Variants in MED13L observed in about 807,000 individuals in gnomAD.
MED13L encodes the protein mediator of RNA polymerase II transcription subunit 13-like.
MED13L carries 7 observed loss-of-function variants against 220.9 expected under a neutral mutation model. The observed-to-expected ratio is 0.03, with a 90% confidence interval of 0.02 to 0.06. The LOEUF (loss-of-function observed/expected upper bound fraction) is 0.06, where lower values mean the gene tolerates loss of function less well. Among genes scored for constraint, MED13L ranks in the 10% least tolerant of loss-of-function variants. MED13L has a pLI of 1.00. For missense variants in MED13L, 1,965 were observed against 2,760.5 expected, an observed-to-expected ratio of 0.71 and a Z score of 6.46; for synonymous variants, 1,011 against 1,015.2, an observed-to-expected ratio of 1.00 and a Z score of 0.08.
intron 2 of MED13L, among the ~76,000 whole-genome samples, chr12:116,221,925 C>T (rs999483393): frequency 6.6e-6 from 1 of 152,090 alleles, no homozygotes; most frequent in African/African-American, 2.4e-5. Flanking sequence ...CATTCTTGCA[C>T]AGCCAAAGAC....
chr12:115,973,818 T>C (rs777263144), intron 25 of MED13L, among the ~76,000 whole-genome samples: 3 of 152,198 alleles, frequency 2.0e-5, no homozygotes, highest in Non-Finnish European at 4.4e-5. Context: ...TAGTCTACAG[T>C]ACAACTTATT....
chr12:115,999,166 A>G (rs561492921), intron 14 of MED13L, among the ~76,000 whole-genome samples: 1 of 152,324 alleles, frequency 6.6e-6, no homozygotes, highest in South Asian at 2.1e-4. Context: ...TAATCCCAGT[A>G]CTTTAGGAGG....
At chr12:116,113,039 C>T (rs1874212810) in intron 2 of MED13L, among the ~76,000 whole-genome samples, 1 of 152,218 alleles carries the variant, frequency 6.6e-6, no homozygotes, top group African/African-American at 2.4e-5. Context: ...CTCCTTTAAA[C>T]TTATTGAGTC....
In MED13L at chr12:115,972,170, C is replaced by T. The variant is rs778173015; in HGVS notation, c.5798G>A (p.Arg1933Gln). The change falls in exon 26 of 31, where the codon CGG becomes CAG. Residue 1933 changes from arginine to glutamine, a missense_variant. By Grantham distance (43) the Arg-to-Gln change is conservative. Around this residue, in one of 10 missense-constraint regions of MED13L, gnomAD observed 23 missense variants for 20.4 expected, o/e 1.12. Coordinates refer to ENST00000281928, the MANE Select transcript of MED13L (RefSeq NM_015335.5). Reference sequence around the variant, plus strand: ...GTCTGCGGCAGAGATTCCACACATCCGGCACACATCCTTGAGCTTTTTGCT... The same window carrying T: ...GTCTGCGGCAGAGATTCCACACATCTGGCACACATCCTTGAGCTTTTTGCT... ...TISKKLKDVC[R>Q]MCGISAADSP... 48 of 1,613,874 alleles carry T rather than the reference C, an allele frequency of 3.0e-5. 1 individual carries two copies. In the South Asian group the frequency reaches 4.2e-4, roughly 14 times the overall value.
intron 4 of MED13L, among the ~76,000 whole-genome samples, chr12:116,057,327 A>G (rs1420311375): frequency 1.3e-5 from 2 of 152,198 alleles, no homozygotes; most frequent in African/African-American, 4.8e-5. Context: ...CAAAAAGATC[A>G]GCAGTAAGCC....
intron 2 of MED13L, among the ~76,000 whole-genome samples, chr12:116,169,958 G>A (rs564575517): frequency 2.8e-4 from 43 of 152,266 alleles, no homozygotes; most frequent in Non-Finnish European, 4.3e-4. Flanking sequence ...TCAAAGCTGC[G>A]GTGGGCTACG....
chr12:116,183,478 T>A (rs1880664994), intron 2 of MED13L, among the ~76,000 whole-genome samples: 2 of 152,190 alleles, frequency 1.3e-5, no homozygotes, highest in Non-Finnish European at 1.5e-5. Context: ...TTACCAAGAA[T>A]GACATCTGGT....
intron 29 of MED13L, among the ~76,000 whole-genome samples, chr12:115,965,523 G>A (rs1876092912): frequency 6.6e-6 from 1 of 152,212 alleles, no homozygotes; most frequent in South Asian, 2.1e-4. Flanking sequence ...CTGTGGGCAA[G>A]AGATGGATTT....
intron 2 of MED13L, among the ~76,000 whole-genome samples, chr12:116,201,928 T>G (rs186832447): frequency 1.7e-4 from 26 of 152,356 alleles, no homozygotes; most frequent in African/African-American, 5.8e-4. Context: ...AGTCTTTTTA[T>G]GGCATTAAAG....
At chr12:116,137,498 T>C (rs1368028651) in intron 2 of MED13L, among the ~76,000 whole-genome samples, 1 of 151,990 alleles carries the variant, frequency 6.6e-6, no homozygotes, top group Non-Finnish European at 1.5e-5. Context: ...TTAAACAAAG[T>C]ATGGGCCTTT....
intron 2 of MED13L, among the ~76,000 whole-genome samples, chr12:116,205,554 A>G (rs1882262566): frequency 2.0e-5 from 3 of 150,194 alleles, no homozygotes; most frequent in Non-Finnish European, 3.0e-5. Flanking sequence ...AAAAAAGGAA[A>G]GTCTTTTAAA....
intron 1 of MED13L, among the ~76,000 whole-genome samples, chr12:116,275,785 G>A (rs1873767889): frequency 6.6e-6 from 1 of 152,160 alleles, no homozygotes. Flanking sequence ...CAAGTTGGGT[G>A]TTTTTAAGGC....
intron 4 of MED13L, among the ~76,000 whole-genome samples, chr12:116,046,341 C>T (rs1592983305): frequency 6.6e-6 from 1 of 151,306 alleles, no homozygotes; most frequent in Admixed American, 6.6e-5. Flanking sequence ...AAAAAAATCA[C>T]AAAAGAAAAA....
chr12:116,257,864 G>A (rs1001416719), intron 1 of MED13L, among the ~76,000 whole-genome samples: 4 of 151,830 alleles, frequency 2.6e-5, no homozygotes, highest in African/African-American at 9.7e-5. Flanking sequence ...TTTTCCAAAT[G>A]ATTCCTCAAT....
At chr12:115,980,512 T>C (rs1045613312) in intron 23 of MED13L, 1 of 557,324 alleles carries the variant, frequency 1.8e-6, no homozygotes, top group Non-Finnish European at 3.2e-6. Context: ...TTTGTAGAGA[T>C]GGGGTCTTGC....
intron 1 of MED13L, among the ~76,000 whole-genome samples, chr12:116,238,161 G>A (rs1351859602): frequency 6.6e-6 from 1 of 152,058 alleles, no homozygotes; most frequent in Non-Finnish European, 1.5e-5. Context: ...TTTTTAATTA[G>A]GGAAGCAGTT....
intron 4 of MED13L, among the ~76,000 whole-genome samples, chr12:116,045,037 C>T (rs777264288): frequency 4.6e-5 from 7 of 152,164 alleles, no homozygotes; most frequent in African/African-American, 7.2e-5. Flanking sequence ...ACAAAACACA[C>T]ATAAATCCAA....
At chr12:116,041,759 C>T (rs1454167722) in intron 4 of MED13L, among the ~76,000 whole-genome samples, 5 of 152,134 alleles carry the variant, frequency 3.3e-5, no homozygotes, top group African/African-American at 9.7e-5. Context: ...CGCCTGAACC[C>T]GAGAGCCGGA....
At chr12:115,995,264 A>G (rs1878325651) in intron 16 of MED13L, among the ~76,000 whole-genome samples, 1 of 152,202 alleles carries the variant, frequency 6.6e-6, no homozygotes, top group Admixed American at 6.5e-5. Context: ...GCTGAGCATC[A>G]GTAGTACCAA....
Sources: gnomAD v4.1 joint callset for allele counts (sites outside exome capture counted in the v4.1 genomes callset) on GRCh38, gnomAD v4.1.1 for gene constraint, gnomAD v4.1.1 regional missense constraint, MANE v1.5 for transcripts, NCBI Gene and HGNC (gene_info 2026-07-23, HGNC 2026-07-21) for gene names.